Variants in CNTNAP2 observed in about 807,000 individuals in gnomAD.
CNTNAP2 encodes the protein contactin-associated protein-like 2.
In CNTNAP2, 98 loss-of-function variants were observed where a neutral mutation model predicts 155.2. The observed-to-expected ratio is 0.63, with a 90% CI of 0.54 to 0.75. CNTNAP2 has a LOEUF of 0.75. Ranked by LOEUF, CNTNAP2 falls within the 30% of genes least tolerant of loss-of-function variation. The pLI is 0.00. For synonymous variants in CNTNAP2, 651 were observed against 631.2 expected (o/e 1.03, Z -0.47); for missense variants, 1,727 against 1,688.1 (o/e 1.02, Z -0.40).
At chr7:147,497,936 A>G (rs1351671824) in intron 11 of CNTNAP2, among the ~76,000 whole-genome samples, 1 of 152,182 alleles carries the variant, frequency 6.6e-6, no homozygotes, top group Non-Finnish European at 1.5e-5. Flanking sequence ...AGCTCTGTGT[A>G]AGAGCAAAAT....
At chr7:147,683,111 C>T (rs983966419) in intron 13 of CNTNAP2, among the ~76,000 whole-genome samples, 6 of 151,764 alleles carry the variant, frequency 4.0e-5, no homozygotes, top group South Asian at 4.2e-4. Flanking sequence ...ATGAAGTATT[C>T]GGGGCATTTT....
At chr7:147,303,453 A>T (rs62485031) in intron 9 of CNTNAP2, among the ~76,000 whole-genome samples, 1 of 152,214 alleles carries the variant, frequency 6.6e-6, no homozygotes, top group Admixed American at 6.5e-5. Context: ...CAGAAGAGGA[A>T]CTGCCTCTGG....
chr7:148,241,637 G>A (rs571307026), intron 20 of CNTNAP2, among the ~76,000 whole-genome samples: 27 of 152,166 alleles, frequency 1.8e-4, no homozygotes, highest in South Asian at 4.1e-4. Flanking sequence ...ATGGTGGAGG[G>A]GGGAGGATCA....
In CNTNAP2 at chr7:146,901,624, A is replaced by G. The variant is rs61074996; in HGVS notation, c.402+61720A>G. The stretch of plus-strand genomic sequence containing the variant: ...ATTCCTTATGGAATTTGCAGTAGGA[A>G]AAACTTAAATATGCAATGAGTATAT... On this transcript the variant is annotated intron_variant, in intron 3 of 23. Coordinates refer to ENST00000361727, the MANE Select transcript of CNTNAP2 (RefSeq NM_014141.6). Among the ~76,000 whole-genome samples the G allele has an allele frequency of 5.4e-3, 824 of 152,304 alleles. 11 individuals carry two copies. The highest frequency in any genetic ancestry group is 0.018 in the African/African-American group (762 of 41,562).
chr7:147,815,437 T>C (rs1013413050), intron 13 of CNTNAP2, among the ~76,000 whole-genome samples: 1 of 151,744 alleles, frequency 6.6e-6, no homozygotes, highest in South Asian at 2.1e-4. Flanking sequence ...GGAACCAGCC[T>C]CTAGTTCTTG....
intron 1 of CNTNAP2, among the ~76,000 whole-genome samples, chr7:146,681,103 A>G (rs1800493403): frequency 6.6e-6 from 1 of 151,974 alleles, no homozygotes; most frequent in Non-Finnish European, 1.5e-5. Context: ...CTATGGGAAA[A>G]GAAAGTGCGG....
intron 1 of CNTNAP2, among the ~76,000 whole-genome samples, chr7:146,495,379 G>C (rs189941265): frequency 6.6e-6 from 1 of 152,148 alleles, no homozygotes; most frequent in Admixed American, 6.5e-5. Context: ...GTGGGGGAGA[G>C]TTAACTGGAT....
intron 11 of CNTNAP2, among the ~76,000 whole-genome samples, chr7:147,517,056 G>C (rs1179321199): frequency 1.3e-5 from 2 of 150,328 alleles, no homozygotes; most frequent in Non-Finnish European, 3.0e-5. Context: ...TTTTAGTAGA[G>C]ACCAGGTTTC....
chr7:147,489,282 G>A (rs1403482447), intron 11 of CNTNAP2, among the ~76,000 whole-genome samples: 1 of 152,162 alleles, frequency 6.6e-6, no homozygotes, highest in East Asian at 1.9e-4. Flanking sequence ...GAGCCAGGAT[G>A]TCTCCCTTTG....
At position 148,081,643 on chromosome 7, in the gene CNTNAP2, A is replaced by G. The variant is rs566723385; in HGVS notation, c.2384-36475A>G. Among the ~76,000 whole-genome samples the G allele has an allele frequency of 2.2e-5, 3 of 138,056 alleles. No homozygotes were observed. The South Asian group carries it at 7.2e-4, about 33-fold the overall frequency. 90.6% of individuals were successfully genotyped at this position (138,056 alleles called of 152,430 possible). A position where few individuals can be genotyped will look rare whatever the true frequency, so the allele number is the denominator to read the frequency against. On this transcript the variant is annotated intron_variant, in intron 15 of 23. Transcript: ENST00000361727. Reference sequence around the variant, plus strand: ...GTGAGTTAATATTTAATAAATTTCCATATATATATCTATTTTATTAGTTCT... The same window carrying G: ...GTGAGTTAATATTTAATAAATTTCCGTATATATATCTATTTTATTAGTTCT...
rs547731126 is a variant in CNTNAP2, at chr7:147,686,871, G to A, written c.2098+47565G>A. Among the ~76,000 whole-genome samples the A allele has an allele frequency of 1.3e-4, 20 of 151,810 alleles. No homozygotes were observed. In the South Asian group the frequency reaches 1.7e-3, roughly 13 times the overall value. ...AGGGATAGTGTAAAAAAAAAAAGCT[G>A]TATAATTTTTAAAGAGAGGGTTATT... On this transcript the variant is annotated intron_variant, in intron 13 of 23. Coordinates refer to ENST00000361727, the MANE Select transcript of CNTNAP2 (RefSeq NM_014141.6).
intron 9 of CNTNAP2, among the ~76,000 whole-genome samples, chr7:147,354,000 A>G (rs189238789): frequency 6.6e-6 from 1 of 151,112 alleles, no homozygotes; most frequent in Admixed American, 6.6e-5. Flanking sequence ...TTTTCTTGTA[A>G]ATTTGTTTAA....
intron 1 of CNTNAP2, among the ~76,000 whole-genome samples, chr7:146,587,255 G>C (rs1360791752): frequency 6.6e-6 from 1 of 151,956 alleles, no homozygotes; most frequent in African/African-American, 2.4e-5. Flanking sequence ...TATAATATAT[G>C]GCCATTAATT....
Position 147,364,329 on chromosome 7 carries a change from A to T in CNTNAP2, c.1499-31280A>T, listed in dbSNP as rs74523218. On this transcript the variant is annotated intron_variant, in intron 9 of 23. Transcript: ENST00000361727. ...GTACACACTGAACACTTAGAAAATT[A>T]TATGTGTAACTTTAAGTATTTGTTC... Among the ~76,000 whole-genome samples, 1,515 of 152,312 alleles carry T rather than the reference A, an allele frequency of 9.9e-3. 25 individuals carry two copies. Among genetic ancestry groups the T allele is most frequent in the African/African-American group, 0.035 (1,452 of 41,566 alleles).
chr7:146,761,887 T>A (rs1802107999), intron 1 of CNTNAP2, among the ~76,000 whole-genome samples: 1 of 152,090 alleles, frequency 6.6e-6, no homozygotes. Flanking sequence ...GAATTCAGAT[T>A]ACTGGGAGAC....
chr7:146,529,965 AAACAAC>A (rs59533423), intron 1 of CNTNAP2, among the ~76,000 whole-genome samples: 52 of 150,634 alleles, frequency 3.5e-4, no homozygotes, highest in Admixed American at 4.6e-4. Flanking sequence ...CTCCGTCTCA[AAACAAC>A]AACAACAACA....
At chr7:146,678,649 T>C (rs1800446633) in intron 1 of CNTNAP2, among the ~76,000 whole-genome samples, 1 of 152,126 alleles carries the variant, frequency 6.6e-6, no homozygotes, top group African/African-American at 2.4e-5. Context: ...TTTTCAAAAG[T>C]TTATGTGTTT....
At chr7:147,512,052 G>A (rs1752498162) in intron 11 of CNTNAP2, among the ~76,000 whole-genome samples, 1 of 152,172 alleles carries the variant, frequency 6.6e-6, no homozygotes, top group Non-Finnish European at 1.5e-5. Flanking sequence ...GTCTTAGTAA[G>A]ATACAAACTG....
At chr7:148,302,699 G>A (rs967313313) in intron 21 of CNTNAP2, among the ~76,000 whole-genome samples, 4 of 151,706 alleles carry the variant, frequency 2.6e-5, no homozygotes, top group South Asian at 2.1e-4. Context: ...CGCTTCTCTC[G>A]CCTGCCTACT....
Sources: allele counts gnomAD v4.1 joint callset (sites outside exome capture counted in the v4.1 genomes callset), GRCh38; gene constraint gnomAD v4.1.1; transcripts MANE v1.5; gene names NCBI Gene and HGNC (gene_info 2026-07-23, HGNC 2026-07-21).